PPP1R12A: variants seen among roughly 807,000 people sequenced by gnomAD.
PPP1R12A encodes protein phosphatase 1 regulatory subunit 12A.
PPP1R12A carries 19 observed loss-of-function variants against 139.6 expected under a neutral mutation model. The observed-to-expected ratio is 0.14, with a 90% CI of 0.09 to 0.20. The LOEUF (loss-of-function observed/expected upper bound fraction) is 0.20, where lower values mean the gene tolerates loss of function less well. Ranked by LOEUF, PPP1R12A falls within the 10% of genes least tolerant of loss-of-function variation. The probability of loss-of-function intolerance (pLI) is 1.00; values close to 1 mark genes in which losing one functional copy is unlikely to be tolerated. For missense variants in PPP1R12A, 925 were observed against 1,211.5 expected, an observed-to-expected ratio of 0.76 and a Z score of 3.51; for synonymous variants, 427 against 420.6, an observed-to-expected ratio of 1.02 and a Z score of -0.19.
At chr12:79,911,467 AGAAG>A (rs1886557614) in intron 1 of PPP1R12A, among the ~76,000 whole-genome samples, 1 of 152,296 alleles carries the variant, frequency 6.6e-6, no homozygotes, top group Middle Eastern at 3.4e-3. Flanking sequence ...GGGAGAAGGG[AGAAG>A]ATCAGAAAAA....
chr12:79,901,087 A>G (rs1885597860), intron 1 of PPP1R12A, among the ~76,000 whole-genome samples: 1 of 152,168 alleles, frequency 6.6e-6, no homozygotes, highest in Non-Finnish European at 1.5e-5. Context: ...CAATTACAGA[A>G]CCGTTACAGA....
chr12:79,824,729 G>A (rs1337189355), intron 5 of PPP1R12A, among the ~76,000 whole-genome samples: 1 of 152,120 alleles, frequency 6.6e-6, no homozygotes, highest in Admixed American at 6.5e-5. Flanking sequence ...AGGCTATTAT[G>A]CTTCATTGAT....
At chr12:79,917,069 T>C (rs759947549) in intron 1 of PPP1R12A, among the ~76,000 whole-genome samples, 1 of 152,172 alleles carries the variant, frequency 6.6e-6, no homozygotes, top group Non-Finnish European at 1.5e-5. Context: ...GTCCTGCAAT[T>C]AACATTTTTT....
At chr12:79,905,573 T>C (rs1886038950) in intron 1 of PPP1R12A, among the ~76,000 whole-genome samples, 1 of 152,188 alleles carries the variant, frequency 6.6e-6, no homozygotes, top group African/African-American at 2.4e-5. Context: ...CTGCAGATAC[T>C]TTCTGATTTA....
At chr12:79,802,689 G>A (rs1592637310) in intron 14 of PPP1R12A, among the ~76,000 whole-genome samples, 1 of 152,112 alleles carries the variant, frequency 6.6e-6, no homozygotes, top group African/African-American at 2.4e-5. Flanking sequence ...GCTGAGGTGA[G>A]AGGATCGCTT....
In PPP1R12A at chr12:79,898,980, T is replaced by C. The variant is rs527609082; in HGVS notation, c.238-26042A>G. ...CAAACATATAGCAAAGTTGAAAGAA[T>C]TTTACAGTGAACACCTATATAATCA... On this transcript the variant is annotated intron_variant, in intron 1 of 24. Coordinates refer to ENST00000450142, the MANE Select transcript of PPP1R12A (RefSeq NM_002480.3). 1.0e-3 allele frequency among the ~76,000 whole-genome samples: 157 copies of C among 152,280 alleles called. 1 individual carries two copies. Among genetic ancestry groups the C allele is most frequent in the Non-Finnish European group, 1.8e-3 (120 of 68,012 alleles).
chr12:79,789,762 T>C (rs1871580461), intron 20 of PPP1R12A: 1 of 392,092 alleles, frequency 2.6e-6, no homozygotes, highest in Admixed American at 3.7e-5. Context: ...GATGGATAAT[T>C]TTGAATTAGG....
intron 1 of PPP1R12A, among the ~76,000 whole-genome samples, chr12:79,931,650 C>T (rs973972112): frequency 6.6e-6 from 1 of 152,106 alleles, no homozygotes; most frequent in Non-Finnish European, 1.5e-5. Context: ...TAAAACTCTA[C>T]CAGGTAGCTA....
At chr12:79,915,483 CT>C (rs1025115411) in intron 1 of PPP1R12A, among the ~76,000 whole-genome samples, 1 of 151,882 alleles carries the variant, frequency 6.6e-6, no homozygotes, top group Non-Finnish European at 1.5e-5. Flanking sequence ...ACTATTTTTG[CT>C]TTACATTAAA....
intron 1 of PPP1R12A, among the ~76,000 whole-genome samples, chr12:79,915,647 C>A (rs1344357265): frequency 6.6e-6 from 1 of 152,108 alleles, no homozygotes; most frequent in Non-Finnish European, 1.5e-5. Flanking sequence ...TACCCATTAT[C>A]TTTTCATCTT....
chr12:79,786,630 G>A (rs931491075), intron 21 of PPP1R12A, 152 bp from the exon 22 acceptor site: 2 of 506,418 alleles, frequency 3.9e-6, no homozygotes, highest in Admixed American at 4.3e-5. Flanking sequence ...TTGCAAAGCA[G>A]AGACTGTTCG....
chr12:79,807,043 A>C, intron 12 of PPP1R12A, 183 bp downstream of exon 12: 1 of 426,034 alleles, frequency 2.3e-6, no homozygotes, highest in Non-Finnish European at 4.1e-6. Context: ...TAATAGGCAT[A>C]ACAAATTATC....
chr12:79,812,058 T>C (rs776977989), intron 9 of PPP1R12A, among the ~76,000 whole-genome samples: 4 of 152,182 alleles, frequency 2.6e-5, no homozygotes, highest in African/African-American at 9.7e-5. Flanking sequence ...TTCAACCTTA[T>C]AATTACCCAA....
At chr12:79,838,486 G>C (rs991981881) in intron 3 of PPP1R12A, among the ~76,000 whole-genome samples, 3 of 152,236 alleles carry the variant, frequency 2.0e-5, no homozygotes, top group Non-Finnish European at 4.4e-5. Context: ...CCCAGGGCAT[G>C]TCAAAGACTT....
At chr12:79,897,104 G>A (rs1367746225) in intron 1 of PPP1R12A, among the ~76,000 whole-genome samples, 1 of 152,130 alleles carries the variant, frequency 6.6e-6, no homozygotes, top group Non-Finnish European at 1.5e-5. Flanking sequence ...GCTGCGCCAT[G>A]CACAACAGCA....
chr12:79,805,461 C>A lies in PPP1R12A; in HGVS notation c.2000+131G>T, dbSNP rs1016007540. On this transcript the variant is annotated intron_variant, in intron 14 of 24. Coordinates refer to ENST00000450142, the MANE Select transcript of PPP1R12A (RefSeq NM_002480.3). Reference sequence around the variant, plus strand: ...TTGTATAAATTTACATAGTTCTGAGCTGACAGGGTATTTCATTTATTAGTC... The same window carrying A: ...TTGTATAAATTTACATAGTTCTGAGATGACAGGGTATTTCATTTATTAGTC... 4.4e-5 allele frequency: 33 copies of A among 752,390 alleles called. No homozygotes were observed. The African/African-American group carries it at 5.3e-4, about 12-fold the overall frequency. The allele number at this position is 752,390 out of a possible 1,614,324, so 46.6% of individuals were successfully genotyped here.
intron 9 of PPP1R12A, among the ~76,000 whole-genome samples, chr12:79,811,925 C>G (rs370492722): frequency 3.9e-5 from 6 of 152,254 alleles, no homozygotes; most frequent in African/African-American, 1.4e-4. Flanking sequence ...CAGAGTCAGT[C>G]AGTCAGATAA....
At chr12:79,805,234 A>C (rs1873679858) in intron 14 of PPP1R12A, among the ~76,000 whole-genome samples, 1 of 152,200 alleles carries the variant, frequency 6.6e-6, no homozygotes, top group Non-Finnish European at 1.5e-5. Flanking sequence ...AAGAATGATA[A>C]AACCTGTTTT....
chr12:79,935,280 C>T (rs1411769846), upstream of PPP1R12A: 3 of 1,075,206 alleles, frequency 2.8e-6, no homozygotes, highest in African/African-American at 1.7e-5. Flanking sequence ...AGCGCTCCCG[C>T]GAACTGCGGC....
Sources: allele counts gnomAD v4.1 joint callset (sites outside exome capture counted in the v4.1 genomes callset), GRCh38; gene constraint gnomAD v4.1.1; transcripts MANE v1.5; gene names NCBI Gene and HGNC (gene_info 2026-07-23, HGNC 2026-07-21).